USP24: variants seen among roughly 807,000 people sequenced by gnomAD.
USP24 encodes the protein ubiquitin specific peptidase 24.
A neutral mutation model predicts 361.6 loss-of-function variants in USP24; 97 were observed. The observed-to-expected ratio is 0.27, with a 90% CI of 0.23 to 0.32. The LOEUF (loss-of-function observed/expected upper bound fraction) is 0.32. Ranked by LOEUF, USP24 falls within the 10% of genes least tolerant of loss-of-function variation. USP24 has a pLI of 1.00. For synonymous variants in USP24, 1,098 were observed against 1,124.6 expected (o/e 0.98, Z 0.47); for missense variants, 2,353 against 3,165.6 (o/e 0.74, Z 6.16).
At chr1:55,070,091 C>T (rs1368811766) in intron 67 of USP24, among the ~76,000 whole-genome samples, 3 of 151,668 alleles carry the variant, frequency 2.0e-5, no homozygotes, top group East Asian at 3.9e-4. Flanking sequence ...AGGAGAGGGA[C>T]GAGCACCCTT....
At chr1:55,113,259 CACAA>C (rs1269677524) in intron 38 of USP24, among the ~76,000 whole-genome samples, 1 of 152,132 alleles carries the variant, frequency 6.6e-6, no homozygotes, top group Non-Finnish European at 1.5e-5. Context: ...AACACCTCTA[CACAA>C]ACAAACTAGA....
At chr1:55,146,414 C>T (rs540978269) in intron 19 of USP24, among the ~76,000 whole-genome samples, 37 of 152,172 alleles carry the variant, frequency 2.4e-4, no homozygotes, top group Middle Eastern at 3.4e-3. Flanking sequence ...TGAAGCCTTT[C>T]GACAAGTCTA....
At chr1:55,211,254 T>G (rs566519143) in intron 1 of USP24, among the ~76,000 whole-genome samples, 72 of 152,312 alleles carry the variant, frequency 4.7e-4, no homozygotes, top group Middle Eastern at 3.4e-3. Flanking sequence ...GAGAGCTCAC[T>G]CTCTTTAATA....
intron 41 of USP24, 99 bp downstream of exon 41, chr1:55,106,047 A>G: frequency 1.1e-6 from 1 of 923,506 alleles, no homozygotes; most frequent in Non-Finnish European, 1.7e-6. Context: ...ACACAGACTC[A>G]CAGATGGAAG....
intron 31 of USP24, among the ~76,000 whole-genome samples, chr1:55,129,877 A>G (rs548775948): frequency 2.7e-4 from 41 of 152,352 alleles, no homozygotes; most frequent in African/African-American, 9.6e-4. Context: ...TTCATGTGAT[A>G]TGCTAGATAT....
rs1267965952 is a variant in USP24, at chr1:55,071,221, G to GA, written c.7800+592dup. 7.1e-6 allele frequency: 7 copies of GA among 987,062 alleles called. No individual in the cohort carries two copies. In the African/African-American group the frequency reaches 1.0e-4, roughly 15 times the overall value. 61.1% of individuals were successfully genotyped at this position (987,062 alleles called of 1,614,324 possible). ...GACCACAGAGGAGACTGCTGTTAAG[G>GA]AAAGTTACAGACTATTGGAAAGACG... On this transcript the variant is annotated intron_variant, in intron 67 of 67. Transcript: ENST00000294383.
chr1:55,140,649 G>A (rs988741330), intron 24 of USP24, among the ~76,000 whole-genome samples: 2 of 152,146 alleles, frequency 1.3e-5, no homozygotes, highest in African/African-American at 2.4e-5. Context: ...AACAAGCAAA[G>A]GAATATCCCG....
intron 9 of USP24, 57 bp downstream of exon 9, chr1:55,159,554 C>A: frequency 6.8e-7 from 1 of 1,465,240 alleles, no homozygotes. Flanking sequence ...TAAGTCCTGG[C>A]TCTGCTTCTG....
At chr1:55,096,021 C>T (rs988775910) in intron 50 of USP24, among the ~76,000 whole-genome samples, 11 of 152,182 alleles carry the variant, frequency 7.2e-5, no homozygotes, top group Non-Finnish European at 1.6e-4. Context: ...TCCTCATACT[C>T]TTTTTTCCTG....
Position 55,171,499 on chromosome 1 carries a change from A to G in USP24, c.825+57T>C, listed in dbSNP as rs906777404. On this transcript the variant is annotated intron_variant, in intron 5 of 67. Transcript: ENST00000294383. ...GTAACTTGTCTTTTTTATAGCACAG[A>G]AAATCTTCTTTTTCAATACATTTTT... 7 of 1,539,058 alleles carry G rather than the reference A, an allele frequency of 4.5e-6. No individual in the cohort carries two copies. In the Admixed American group the frequency reaches 1.2e-4, roughly 27 times the overall value.
chr1:55,139,854 T>C (rs1646839005), intron 24 of USP24, among the ~76,000 whole-genome samples: 1 of 152,172 alleles, frequency 6.6e-6, no homozygotes, highest in Non-Finnish European at 1.5e-5. Flanking sequence ...TTCCAGTCTA[T>C]GGGCAAGAAC....
chr1:55,140,356 T>C (rs938059330), intron 24 of USP24, among the ~76,000 whole-genome samples: 3 of 152,170 alleles, frequency 2.0e-5, no homozygotes, highest in Admixed American at 6.5e-5. Context: ...GATGGCTACA[T>C]ATTACAAACA....
chr1:55,184,775 A>G (rs1644080744), intron 1 of USP24, among the ~76,000 whole-genome samples: 1 of 152,214 alleles, frequency 6.6e-6, no homozygotes, highest in Non-Finnish European at 1.5e-5. Flanking sequence ...AGAAGGAAAT[A>G]TGGAAAATTC....
intron 50 of USP24, among the ~76,000 whole-genome samples, 172 bp from the exon 51 acceptor site, chr1:55,095,568 T>C (rs1645478477): frequency 6.6e-6 from 1 of 152,192 alleles, no homozygotes; most frequent in African/African-American, 2.4e-5. Context: ...AGCATGGAAG[T>C]CAGGATACTT....
At chr1:55,209,577 A>G (rs1644800606) in intron 1 of USP24, among the ~76,000 whole-genome samples, 1 of 152,190 alleles carries the variant, frequency 6.6e-6, no homozygotes, top group Non-Finnish European at 1.5e-5. Flanking sequence ...ATTGCCATAA[A>G]ACCATTCTAA....
chr1:55,149,374 C>G (rs1321758627), intron 16 of USP24, among the ~76,000 whole-genome samples: 2 of 152,104 alleles, frequency 1.3e-5, no homozygotes, highest in Admixed American at 1.3e-4. Flanking sequence ...AACTTAAGTC[C>G]TCAGCATTCT....
intron 21 of USP24, 74 bp downstream of exon 21, chr1:55,144,053 C>T: frequency 1.6e-6 from 2 of 1,243,620 alleles, no homozygotes; most frequent in Non-Finnish European, 1.1e-6. Context: ...TCAATTATAA[C>T]ACTTTTTTTT....
chr1:55,129,610 A>G lies in USP24; in HGVS notation c.3538-36T>C, dbSNP rs1456379393. The G allele has an allele frequency of 3.8e-6, 6 of 1,558,478 alleles. 1 individual carries two copies. In the African/African-American group the frequency reaches 5.4e-5, roughly 14 times the overall value. ...GATAAGCACAATTATTCATCCACAC[A>G]TTTTCAGCAGAAATTACTCCTTTAC... On this transcript the variant is annotated intron_variant, in intron 31 of 67. Coordinates refer to ENST00000294383, the MANE Select transcript of USP24 (RefSeq NM_015306.3).
At chr1:55,159,162 A>C in intron 9 of USP24, 126 bp from the exon 10 acceptor site, 1 of 853,636 alleles carries the variant, frequency 1.2e-6, no homozygotes, top group East Asian at 3.1e-5. Context: ...TTACAAGGCC[A>C]ATTAACTTCA....
Sources: allele counts gnomAD v4.1 joint callset (sites outside exome capture counted in the v4.1 genomes callset), GRCh38; gene constraint gnomAD v4.1.1; transcripts MANE v1.5; gene names NCBI Gene and HGNC (gene_info 2026-07-23, HGNC 2026-07-21).